The following DTNB variants were observed in gnomAD, a reference collection of about 807,000 sequenced individuals.
DTNB encodes the protein DTN-B.
A neutral mutation model predicts 90.7 loss-of-function variants in DTNB; 63 were observed. The observed-to-expected ratio is 0.69, with a 90% CI of 0.57 to 0.86. The LOEUF is 0.86. DTNB is among the 40% of genes least tolerant of loss of function. The pLI, the probability that DTNB is intolerant of heterozygous loss-of-function variation, is 0.00. For synonymous variants in DTNB, 277 were observed against 286.7 expected (o/e 0.97, Z 0.34); for missense variants, 744 against 807.1 (o/e 0.92, Z 0.95).
At chr2:25,609,954 G>A (rs1233763071) in intron 4 of DTNB, among the ~76,000 whole-genome samples, 2 of 152,136 alleles carry the variant, frequency 1.3e-5, no homozygotes, top group Non-Finnish European at 2.9e-5. Context: ...ACTATTAAGT[G>A]CATGAAAAGA....
chr2:25,608,342 A>G (rs768645569), intron 4 of DTNB, among the ~76,000 whole-genome samples: 1 of 152,226 alleles, frequency 6.6e-6, no homozygotes, highest in African/African-American at 2.4e-5. Flanking sequence ...AAAAAGGCAA[A>G]TAGCCTATAC....
chr2:25,398,282 C>A (rs2042897752), intron 16 of DTNB, among the ~76,000 whole-genome samples: 1 of 152,180 alleles, frequency 6.6e-6, no homozygotes, highest in Non-Finnish European at 1.5e-5. Context: ...AAGATAAAAA[C>A]CAGATTCTAG....
chr2:25,379,459 T>C (rs1243896297), intron 19 of DTNB, 136 bp from the exon 20 acceptor site: 5 of 1,141,868 alleles, frequency 4.4e-6, no homozygotes, highest in Non-Finnish European at 5.6e-6. Context: ...GTTTGTTGAC[T>C]TTTCCCACCC....
intron 9 of DTNB, among the ~76,000 whole-genome samples, chr2:25,508,456 G>A (rs889683841): frequency 6.6e-6 from 1 of 150,694 alleles, no homozygotes. Flanking sequence ...TATAAATATG[G>A]TATACCTCTT....
At chr2:25,379,694 T>C (rs541101388) in intron 19 of DTNB, 5 of 223,518 alleles carry the variant, frequency 2.2e-5, no homozygotes, top group Non-Finnish European at 4.4e-5. Context: ...CTCCTGCAGA[T>C]GGTCTGCTTT....
At chr2:25,630,412 T>C (rs1380271661) in intron 3 of DTNB, among the ~76,000 whole-genome samples, 6 of 152,238 alleles carry the variant, frequency 3.9e-5, no homozygotes, top group African/African-American at 1.4e-4. Flanking sequence ...CTACACAAAA[T>C]CTTGTACAAA....
chr2:25,586,040 T>G (rs1268133259), intron 6 of DTNB, among the ~76,000 whole-genome samples: 1 of 152,156 alleles, frequency 6.6e-6, no homozygotes, highest in East Asian at 1.9e-4. Flanking sequence ...TTAGAAAAAC[T>G]TCAAATATTC....
chr2:25,544,129 G>A (rs1444526592), intron 8 of DTNB, among the ~76,000 whole-genome samples: 1 of 152,192 alleles, frequency 6.6e-6, no homozygotes. Flanking sequence ...GGGGGATGTG[G>A]AGTACCACCC....
Position 25,483,425 on chromosome 2 carries a change from A to C in DTNB, c.1002-552T>G, listed in dbSNP as rs114373283. Among the ~76,000 whole-genome samples, 505 of 152,280 alleles carry C rather than the reference A, an allele frequency of 3.3e-3. 2 individuals carry two copies. Among genetic ancestry groups the C allele is most frequent in the Non-Finnish European group, 6.0e-3 (411 of 68,018 alleles). ...AAACTTTTAACCAGAACAGACTGTT[A>C]AATACCACGTTCAAAAATAAAGACT... is the stretch of plus-strand genomic sequence containing the variant. On this transcript the variant is annotated intron_variant, in intron 9 of 20. Transcript: ENST00000406818.
chr2:25,566,026 T>G (rs1443699299), intron 8 of DTNB, among the ~76,000 whole-genome samples: 1 of 152,156 alleles, frequency 6.6e-6, no homozygotes, highest in Non-Finnish European at 1.5e-5. Flanking sequence ...TCGATTACAT[T>G]ATGTTATAAG....
chr2:25,591,806 A>G (rs1338850496), intron 6 of DTNB, among the ~76,000 whole-genome samples: 1 of 152,134 alleles, frequency 6.6e-6, no homozygotes, highest in African/African-American at 2.4e-5. Context: ...CACACCTGTA[A>G]TCCCAGCACT....
intron 16 of DTNB, among the ~76,000 whole-genome samples, chr2:25,408,538 CAAA>C (rs11395783): frequency 3.1e-5 from 1 of 32,728 alleles, no homozygotes; most frequent in African/African-American, 9.4e-5. Context: ...GACTCCATCT[CAAA>C]AAAAAAAAAA....
Position 25,489,554 on chromosome 2 carries a change from C to A in DTNB, c.1002-6681G>T, listed in dbSNP as rs114334548. ...AAATATAAGCCAGGCATGATGGAAC[C>A]CACCTACAGTCCCAGTTATGCAGGA... is the stretch of plus-strand genomic sequence containing the variant. On this transcript the variant is annotated intron_variant, in intron 9 of 20. Transcript: ENST00000406818. Among the ~76,000 whole-genome samples the A allele has an allele frequency of 6.1e-3, 929 of 152,096 alleles. 15 individuals carry two copies. The highest frequency in any genetic ancestry group is 0.021 in the African/African-American group (885 of 41,512).
At chr2:25,396,731 T>TAAAAA (rs35592591) in intron 16 of DTNB, among the ~76,000 whole-genome samples, 5 of 87,618 alleles carry the variant, frequency 5.7e-5, no homozygotes, top group African/African-American at 8.7e-5. Context: ...TAAAAGGAAC[T>TAAAAA]AAAAAAAAAA....
rs145961734 is a variant in DTNB, at chr2:25,565,626, G to A, written c.876+11212C>T. ...CAGTTTATTGCATTTTTTTTTTATC[G>A]TGACAGAATTTTGGGTTTTGTCAAA... On this transcript the variant is annotated intron_variant, in intron 8 of 20. Transcript: ENST00000406818. Among the ~76,000 whole-genome samples the A allele has an allele frequency of 3.9e-3, 589 of 151,188 alleles. 2 individuals carry two copies. The highest frequency in any genetic ancestry group is 0.013 in the African/African-American group (550 of 41,156).
chr2:25,469,532 G>A (rs1481785548), intron 10 of DTNB, among the ~76,000 whole-genome samples: 2 of 152,094 alleles, frequency 1.3e-5, no homozygotes, highest in Non-Finnish European at 1.5e-5. Flanking sequence ...TGCAACCTCC[G>A]CCTCCTGGGT....
At chr2:25,655,571 C>T (rs889972533) in intron 1 of DTNB, among the ~76,000 whole-genome samples, 7 of 152,160 alleles carry the variant, frequency 4.6e-5, no homozygotes, top group African/African-American at 1.4e-4. Context: ...TTCCATGACT[C>T]ACAATTTAAT....
intron 14 of DTNB, among the ~76,000 whole-genome samples, chr2:25,431,483 A>C (rs973194412): frequency 1.3e-5 from 2 of 152,218 alleles, no homozygotes; most frequent in African/African-American, 4.8e-5. Context: ...CTTCAGTGAT[A>C]TAGGAACTGC....
chr2:25,611,216 T>C (rs2068536551), intron 4 of DTNB, among the ~76,000 whole-genome samples: 1 of 152,244 alleles, frequency 6.6e-6, no homozygotes, highest in Non-Finnish European at 1.5e-5. Context: ...ATTTTATCCA[T>C]TCTCTTACTG....
Sources: allele counts gnomAD v4.1 joint callset (sites outside exome capture counted in the v4.1 genomes callset), GRCh38; gene constraint gnomAD v4.1.1; transcripts MANE v1.5; gene names NCBI Gene and HGNC (gene_info 2026-07-23, HGNC 2026-07-21).